The following CYFIP1 variants were observed in gnomAD, a reference collection of about 807,000 sequenced individuals.
The protein encoded by CYFIP1 is cytoplasmic FMR1-interacting protein 1.
Under a neutral mutation model 163.5 loss-of-function variants are expected in CYFIP1, and 58 were observed. That is an observed-to-expected ratio of 0.35 (90% CI 0.29 to 0.44). The LOEUF (loss-of-function observed/expected upper bound fraction) is 0.44, where lower values mean the gene tolerates loss of function less well. Among genes scored for constraint, CYFIP1 ranks in the 20% least tolerant of loss-of-function variants. The probability of loss-of-function intolerance (pLI) is 1.00; values close to 1 mark genes in which losing one functional copy is unlikely to be tolerated. For missense variants in CYFIP1, 1,338 were observed against 1,653.8 expected, an observed-to-expected ratio of 0.81 and a Z score of 3.31; for synonymous variants, 663 against 660.7, an observed-to-expected ratio of 1.00 and a Z score of -0.05.
In CYFIP1 at chr15:22,882,976, G is replaced by A. The variant is rs757053536; in HGVS notation, c.2712C>T (p.Ser904=). 1 of 1,614,022 alleles carries A rather than the reference G, an allele frequency of 6.2e-7. No individual in the cohort carries two copies. The highest frequency in any genetic ancestry group is 1.1e-5 in the South Asian group (1 of 91,086). ...LNLAYSSIYG[S]YRNFVGPPHF... ...GTGGAGGTCCCACGAAGTTCCGGTA[G>A]CTGCCGTAAATGCTGGAGTAGGCCA... The change falls in exon 24 of 31, where the codon AGC becomes AGT. Residue 904 remains serine (S), a synonymous_variant. Transcript: ENST00000617928.
At chr15:22,935,151 A>T (rs1938643931) in intron 9 of CYFIP1, among the ~76,000 whole-genome samples, 1 of 152,222 alleles carries the variant, frequency 6.6e-6, no homozygotes, top group African/African-American at 2.4e-5. Context: ...GATATCTGAG[A>T]CTATCCTGAA....
At chr15:22,887,090 G>A (rs1437747080) in intron 23 of CYFIP1, among the ~76,000 whole-genome samples, 2 of 152,132 alleles carry the variant, frequency 1.3e-5, no homozygotes, top group Non-Finnish European at 2.9e-5. Context: ...AGCCACTCCT[G>A]CTTTCTTCAG....
chr15:22,881,538 C>G (rs1380596130), intron 25 of CYFIP1, among the ~76,000 whole-genome samples: 4 of 152,110 alleles, frequency 2.6e-5, no homozygotes, highest in South Asian at 4.2e-4. Flanking sequence ...CCTCAAGTCC[C>G]TATAGGCCCA....
chr15:22,948,792 A>T (rs1386936457), intron 1 of CYFIP1, among the ~76,000 whole-genome samples: 1 of 140,810 alleles, frequency 7.1e-6, no homozygotes, highest in Admixed American at 7.6e-5. Flanking sequence ...AAACTAAAAG[A>T]CACACTACTG....
Position 22,892,851 on chromosome 15 carries a change from T to C in CYFIP1, c.2676+39A>G, listed in dbSNP as rs544090644. The C allele has an allele frequency of 3.4e-6, 5 of 1,453,122 alleles. No homozygotes were observed. The African/African-American group carries it at 7.0e-5, about 20-fold the overall frequency. The allele number at this position is 1,453,122 out of a possible 1,614,324, so 90.0% of individuals were successfully genotyped here. A position where few individuals can be genotyped will look rare whatever the true frequency, so the allele number is the denominator to read the frequency against. On this transcript the variant is annotated intron_variant, in intron 23 of 30. Coordinates refer to ENST00000617928, the MANE Select transcript of CYFIP1 (RefSeq NM_014608.6). ...CTACACTTCAAAACATGCTTCATTA[T>C]GAGCTTCAAGCTCGTAACACGAACA...
chr15:22,923,957 A>AAAAAAAAAAACAAGAAAAAG (rs1555410523), intron 13 of CYFIP1, among the ~76,000 whole-genome samples: 249 of 150,664 alleles, frequency 1.7e-3, no homozygotes, highest in African/African-American at 5.7e-3. Context: ...AAAAAAAAAA[A>AAAAAAAAAAACAAGAAAAAG]AAAAAAAACA....
intron 1 of CYFIP1, among the ~76,000 whole-genome samples, chr15:22,948,250 T>G (rs1467948472): frequency 6.6e-6 from 1 of 152,064 alleles, no homozygotes; most frequent in African/African-American, 2.4e-5. Context: ...CCGACAAAAT[T>G]GCTCATGAGC....
At chr15:22,951,448 T>C in intron 1 of CYFIP1, 2 of 1,289,336 alleles carry the variant, frequency 1.6e-6, no homozygotes, top group African/African-American at 3.0e-5. Flanking sequence ...CTGCCCTTGG[T>C]GTCCACGCAG....
rs763978211 is a variant in CYFIP1 at position 22,917,929 on chromosome 15, C to A, written c.1533G>T (p.Leu511=). 6 of 1,613,336 alleles carry A rather than the reference C, an allele frequency of 3.7e-6. No individual in the cohort carries two copies. In the South Asian group the frequency reaches 6.6e-5, roughly 18 times the overall value. Residue 511 remains leucine, a synonymous_variant, in exon 15 of 31, where the codon CTG becomes CTT. Coordinates refer to ENST00000617928, the MANE Select transcript of CYFIP1 (RefSeq NM_014608.6). This position sits in a 1 kb window ranked among gnomAD's most constrained non-coding sequence, Gnocchi z 4.2. ...CACACACGGTCTTCCTGATGGCCTG[C>A]AGGACACTGAACACCCCACCAAGTG... ...KKKKNVIQSV[L]QAIRKTVCDW... is the part of the protein sequence containing the mutation.
chr15:22,923,117 C>G (rs541102664), intron 13 of CYFIP1, among the ~76,000 whole-genome samples: 4 of 152,014 alleles, frequency 2.6e-5, no homozygotes, highest in African/African-American at 9.7e-5. Context: ...ACAGATAAAT[C>G]AAACATAATC....
rs1355435500 is a variant in CYFIP1, at chr15:22,868,640, C to A, written c.*1388G>T. 1.3e-5 allele frequency: 2 copies of A among 151,568 alleles called. No homozygotes were observed. Among genetic ancestry groups the A allele is most frequent in the African/African-American group, 4.9e-5 (2 of 40,938 alleles). The allele number at this position is 151,568 out of a possible 1,614,324, so 9.4% of individuals were successfully genotyped here. A position where few individuals can be genotyped will look rare whatever the true frequency, so the allele number is the denominator to read the frequency against. ...TAATTGTTTGTTAGGCTTCATGTCA[C>A]TTGAGTGAGTTTGGCAGTGTAACAG... On this transcript the variant is annotated 3_prime_UTR_variant, in exon 31 of 31. Transcript: ENST00000617928.
At chr15:22,964,482 C>G (rs1374453126) in intron 1 of CYFIP1, among the ~76,000 whole-genome samples, 1 of 152,026 alleles carries the variant, frequency 6.6e-6, no homozygotes, top group East Asian at 1.9e-4. Context: ...GAAGGCAGGT[C>G]TTGGCCTTTG....
intron 26 of CYFIP1, among the ~76,000 whole-genome samples, chr15:22,879,405 C>T (rs561182733): frequency 6.2e-4 from 94 of 152,274 alleles, no homozygotes; most frequent in African/African-American, 2.2e-3. Flanking sequence ...TCCACTGTGC[C>T]ACGTCCTAAG....
chr15:22,908,391 G>A (rs1031919698), intron 21 of CYFIP1, among the ~76,000 whole-genome samples: 1 of 152,006 alleles, frequency 6.6e-6, no homozygotes, highest in Non-Finnish European at 1.5e-5. Flanking sequence ...TGAAGGTCCA[G>A]ATAACAGGAG....
Position 22,903,701 on chromosome 15 carries a change from C to G in CYFIP1, c.2588+5G>C. ...TGTGGGCGCCTGTGTGGCGGGCACG[C>G]TCACCGGTTGGTAGAGCCGTTGTAG... On this transcript the variant is annotated splice_donor_5th_base_variant and intron_variant, in intron 22 of 30. Coordinates refer to ENST00000617928, the MANE Select transcript of CYFIP1 (RefSeq NM_014608.6). 6.2e-7 allele frequency: 1 copy of G among 1,613,182 alleles called. No individual in the cohort carries two copies. The highest frequency in any genetic ancestry group is 8.5e-7 in the Non-Finnish European group (1 of 1,180,010).
chr15:22,917,389 T>C lies in CYFIP1; in HGVS notation c.1674+399A>G, dbSNP rs192131064. On this transcript the variant is annotated intron_variant, in intron 15 of 30. Coordinates refer to ENST00000617928, the MANE Select transcript of CYFIP1 (RefSeq NM_014608.6). This position sits in a 1 kb window ranked among gnomAD's most constrained non-coding sequence, Gnocchi z 4.2. ...GAGGACAGTGGGCAGCTTAGGACCA[T>C]GACACACGCAAGCAGCACCTCACAG... is the stretch of plus-strand genomic sequence containing the variant. The C allele has an allele frequency of 5.4e-6, 5 of 927,812 alleles. No individual in the cohort carries two copies. In the East Asian group the frequency reaches 1.6e-4, roughly 29 times the overall value. 57.5% of individuals were successfully genotyped at this position (927,812 alleles called of 1,614,324 possible).
chr15:22,955,452 G>A (rs2062412916), intron 1 of CYFIP1, among the ~76,000 whole-genome samples: 1 of 152,224 alleles, frequency 6.6e-6, no homozygotes, highest in Admixed American at 6.5e-5. Context: ...TTAGGCCTGA[G>A]GGGCAGGACA....
chr15:22,906,659 G>A (rs1024753704), intron 21 of CYFIP1, among the ~76,000 whole-genome samples: 3 of 151,610 alleles, frequency 2.0e-5, no homozygotes, highest in Non-Finnish European at 4.4e-5. Context: ...TAGAGACGGG[G>A]TTTCACCATG....
At chr15:22,894,519 A>T (rs994865516) in intron 22 of CYFIP1, among the ~76,000 whole-genome samples, 5 of 150,916 alleles carry the variant, frequency 3.3e-5, no homozygotes, top group Admixed American at 1.3e-4. Flanking sequence ...TGAACTCCTG[A>T]CTTCAAGTGA....
Sources: gnomAD v4.1 joint callset for allele counts (sites outside exome capture counted in the v4.1 genomes callset) on GRCh38, gnomAD v4.1.1 for gene constraint, Gnocchi (gnomAD v3.1) non-coding constraint, MANE v1.5 for transcripts, NCBI Gene and HGNC (gene_info 2026-07-23, HGNC 2026-07-21) for gene names.